The following CTIF variants were observed in gnomAD, a reference collection of about 807,000 sequenced individuals.
CTIF encodes the protein cap binding complex dependent translation initiation factor, also known as CBP80/20-dependent translation initiation factor.
In CTIF, 21 loss-of-function variants were observed where a neutral mutation model predicts 66.0. The ratio of observed to expected loss-of-function variants is 0.32; its 90% confidence interval spans 0.23 to 0.46. The LOEUF is 0.46. CTIF is among the 20% of genes least tolerant of loss of function. CTIF has a pLI of 1.00. For synonymous variants in CTIF, 345 were observed against 326.4 expected, an observed-to-expected ratio of 1.06 and a Z score of -0.62; for missense variants, 739 against 812.7, an observed-to-expected ratio of 0.91 and a Z score of 1.10.
At chr18:48,856,598 G>T (rs1599175204) in intron 10 of CTIF, among the ~76,000 whole-genome samples, 1 of 152,216 alleles carries the variant, frequency 6.6e-6, no homozygotes, top group African/African-American at 2.4e-5. Context: ...TGAGATACTG[G>T]TATATGCTAC....
chr18:48,564,745 A>C (rs1377983695), intron 1 of CTIF: 1 of 152,080 alleles, frequency 6.6e-6, no homozygotes. Context: ...CAGCCTCCCG[A>C]GGAGCTGGGA....
At chr18:48,575,504 C>G (rs1381566002) in intron 1 of CTIF, among the ~76,000 whole-genome samples, 1 of 152,240 alleles carries the variant, frequency 6.6e-6, no homozygotes, top group Non-Finnish European at 1.5e-5. Flanking sequence ...AAAGCTGACC[C>G]AGCTGGATTA....
intron 7 of CTIF, among the ~76,000 whole-genome samples, chr18:48,735,325 G>C (rs1358541998): frequency 6.6e-6 from 1 of 152,214 alleles, no homozygotes; most frequent in Non-Finnish European, 1.5e-5. Flanking sequence ...TGTTAGGAAA[G>C]AGGCCAAGCC....
chr18:48,609,928 C>T (rs906782292), intron 1 of CTIF, among the ~76,000 whole-genome samples: 1 of 152,152 alleles, frequency 6.6e-6, no homozygotes, highest in Admixed American at 6.5e-5. Flanking sequence ...AGTCAACTCC[C>T]AGCATCCATT....
intron 7 of CTIF, among the ~76,000 whole-genome samples, chr18:48,737,734 A>T (rs1274702934): frequency 1.3e-5 from 2 of 152,250 alleles, no homozygotes; most frequent in Non-Finnish European, 2.9e-5. Context: ...ATGGATGGGT[A>T]AACATAAAAC....
chr18:48,807,100 C>T (rs1012857396), intron 9 of CTIF, among the ~76,000 whole-genome samples: 2 of 152,164 alleles, frequency 1.3e-5, no homozygotes, highest in African/African-American at 4.8e-5. Flanking sequence ...AGAAAGGACT[C>T]CTTGTTCCAG....
intron 6 of CTIF, among the ~76,000 whole-genome samples, chr18:48,687,948 T>C (rs1026654793): frequency 1.3e-5 from 2 of 152,232 alleles, no homozygotes. Context: ...CCAATTCACA[T>C]TTCAACAATC....
At chr18:48,720,986 C>G (rs545508635) in intron 7 of CTIF, among the ~76,000 whole-genome samples, 1 of 152,188 alleles carries the variant, frequency 6.6e-6, no homozygotes, top group Non-Finnish European at 1.5e-5. Flanking sequence ...CACATCCACG[C>G]GGGGGACAAA....
chr18:48,757,765 C>G (rs1908532891), intron 7 of CTIF, among the ~76,000 whole-genome samples, 154 bp from the exon 8 acceptor site: 2 of 152,244 alleles, frequency 1.3e-5, no homozygotes, highest in South Asian at 4.1e-4. Flanking sequence ...GGGGCTGTCA[C>G]AGACTCTGGC....
At chr18:48,772,533 C>CAG (rs1910271666) in intron 9 of CTIF, among the ~76,000 whole-genome samples, 2 of 117,858 alleles carry the variant, frequency 1.7e-5, no homozygotes, top group Non-Finnish European at 3.7e-5. Flanking sequence ...TGCCTCCCCT[C>CAG]CATCTTCCAT....
chr18:48,693,063 G>T (rs1057097692), intron 6 of CTIF, among the ~76,000 whole-genome samples: 2 of 152,168 alleles, frequency 1.3e-5, no homozygotes, highest in African/African-American at 4.8e-5. Context: ...AGGCCCTTAC[G>T]TGCTTTTCTG....
In CTIF at chr18:48,806,903, TG is replaced by T. The variant is rs1200168362; in HGVS notation, c.1372-10316del. Among the ~76,000 whole-genome samples the T allele has an allele frequency of 3.3e-5, 5 of 152,162 alleles. No individual in the cohort carries two copies. In the South Asian group the frequency reaches 8.3e-4, roughly 25 times the overall value. ...TTTTAGGCAGGAAACGGGGCTTAAA[TG>T]GTAGCCTTAAAGTTTGGGGAAAGGC... is the stretch of plus-strand genomic sequence containing the variant. On this transcript the variant is annotated intron_variant, in intron 9 of 11. Transcript: ENST00000256413.
At chr18:48,566,319 G>A (rs1327715837) in intron 1 of CTIF, 2 of 152,324 alleles carry the variant, frequency 1.3e-5, no homozygotes, top group African/African-American at 4.8e-5. Flanking sequence ...GGGTGCAGTG[G>A]CGATCAGGGC....
chr18:48,687,595 C>T (rs2091863037), intron 6 of CTIF, among the ~76,000 whole-genome samples: 1 of 152,178 alleles, frequency 6.6e-6, no homozygotes, highest in African/African-American at 2.4e-5. Flanking sequence ...GACTCTTCCT[C>T]AGCAAGCCTC....
chr18:48,590,246 C>T (rs987562528), intron 1 of CTIF, among the ~76,000 whole-genome samples: 2 of 152,260 alleles, frequency 1.3e-5, no homozygotes, highest in Non-Finnish European at 2.9e-5. Flanking sequence ...TCTGGGGCCA[C>T]ACTGGATGCC....
At chr18:48,704,105 C>T (rs891864843) in intron 6 of CTIF, among the ~76,000 whole-genome samples, 2 of 152,142 alleles carry the variant, frequency 1.3e-5, no homozygotes, top group South Asian at 2.1e-4. Context: ...CATGGCGGAG[C>T]ACCACGGGGT....
intron 3 of CTIF, among the ~76,000 whole-genome samples, chr18:48,638,568 G>A (rs2090867299): frequency 6.6e-6 from 1 of 152,136 alleles, no homozygotes; most frequent in Non-Finnish European, 1.5e-5. Context: ...AGGTCATGTA[G>A]GGGTTCGCCA....
chr18:48,651,292 G>A (rs1259270020), intron 3 of CTIF, among the ~76,000 whole-genome samples: 2 of 152,172 alleles, frequency 1.3e-5, no homozygotes, highest in Admixed American at 6.5e-5. Context: ...ATAAAGGGAT[G>A]GAGGAAGATC....
intron 1 of CTIF, among the ~76,000 whole-genome samples, chr18:48,594,810 G>C: frequency 6.6e-6 from 1 of 152,316 alleles, no homozygotes; most frequent in East Asian, 1.9e-4. Context: ...GAACTGCCCC[G>C]CTTGGGCCTC....
Sources: allele counts gnomAD v4.1 joint callset (sites outside exome capture counted in the v4.1 genomes callset), GRCh38; gene constraint gnomAD v4.1.1; transcripts MANE v1.5; gene names NCBI Gene and HGNC (gene_info 2026-07-23, HGNC 2026-07-21).